The following GRM7 variants were observed in gnomAD, a reference collection of about 807,000 sequenced individuals.
The protein encoded by GRM7 is metabotropic glutamate receptor 7.
In GRM7, 35 loss-of-function variants were observed where a neutral mutation model predicts 84.5. The observed-to-expected ratio is 0.41, with a 90% CI of 0.32 to 0.55. The LOEUF (loss-of-function observed/expected upper bound fraction) is 0.55, where lower values mean the gene tolerates loss of function less well. Among genes scored for constraint, GRM7 ranks in the 20% least tolerant of loss-of-function variants. GRM7 has a pLI of 0.19. For missense variants in GRM7, 1,003 were observed against 1,194.6 expected, an observed-to-expected ratio of 0.84 and a Z score of 2.36; for synonymous variants, 487 against 455.1, an observed-to-expected ratio of 1.07 and a Z score of -0.89.
At chr3:7,205,845 C>G (rs901838530) in intron 2 of GRM7, among the ~76,000 whole-genome samples, 2 of 152,160 alleles carry the variant, frequency 1.3e-5, no homozygotes, top group Non-Finnish European at 2.9e-5. Flanking sequence ...GGAGGGAAGA[C>G]CCCTTTGAAC....
chr3:7,493,553 T>G (rs1355164993), intron 7 of GRM7, among the ~76,000 whole-genome samples: 2 of 151,994 alleles, frequency 1.3e-5, no homozygotes, highest in Admixed American at 6.6e-5. Context: ...ACCTTCAACC[T>G]AACTAGTAAG....
intron 2 of GRM7, among the ~76,000 whole-genome samples, chr3:7,265,594 T>G (rs1024864469): frequency 6.6e-6 from 1 of 152,138 alleles, no homozygotes; most frequent in Non-Finnish European, 1.5e-5. Context: ...TCCACAAAAA[T>G]GCAAGCAAAG....
intron 2 of GRM7, among the ~76,000 whole-genome samples, chr3:7,243,051 T>C (rs73809026): frequency 0.017 from 2,633 of 152,272 alleles, 70 homozygotes; most frequent in African/African-American, 0.06. Context: ...CCAAATGTTT[T>C]CATGTCATGG....
chr3:7,221,267 C>G (rs1696792075), intron 2 of GRM7, among the ~76,000 whole-genome samples: 1 of 152,112 alleles, frequency 6.6e-6, no homozygotes, highest in Non-Finnish European at 1.5e-5. Flanking sequence ...TTTTGCTACT[C>G]TGATAGGTTA....
At chr3:7,567,019 G>A (rs1274720394) in intron 7 of GRM7, among the ~76,000 whole-genome samples, 1 of 152,158 alleles carries the variant, frequency 6.6e-6, no homozygotes, top group Non-Finnish European at 1.5e-5. Context: ...AGGTCATTTA[G>A]GGAGAACTAC....
chr3:7,058,297 A>C (rs1426218858), intron 1 of GRM7, among the ~76,000 whole-genome samples: 3 of 151,942 alleles, frequency 2.0e-5, no homozygotes, highest in African/African-American at 7.2e-5. Context: ...TTTAATTCAC[A>C]TATTTATGCT....
chr3:7,063,216 C>T (rs991963164), intron 1 of GRM7, among the ~76,000 whole-genome samples: 1 of 151,720 alleles, frequency 6.6e-6, no homozygotes, highest in African/African-American at 2.4e-5. Context: ...CTAGAGGATA[C>T]CACATCGCCA....
intron 1 of GRM7, among the ~76,000 whole-genome samples, chr3:7,021,157 T>C (rs1387661973): frequency 2.0e-5 from 3 of 152,176 alleles, no homozygotes; most frequent in Admixed American, 2.0e-4. Context: ...CCCCTTAAAT[T>C]GATCAACCCT....
At chr3:7,194,359 T>C (rs1420306558) in intron 2 of GRM7, among the ~76,000 whole-genome samples, 1 of 152,204 alleles carries the variant, frequency 6.6e-6, no homozygotes, top group East Asian at 1.9e-4. Flanking sequence ...AGGTGAAGCA[T>C]ACAGTGTGTT....
intron 1 of GRM7, among the ~76,000 whole-genome samples, chr3:6,985,138 G>A (rs1275506378): frequency 1.3e-5 from 2 of 152,050 alleles, no homozygotes; most frequent in Non-Finnish European, 2.9e-5. Flanking sequence ...GAGACGTCTT[G>A]ATACAGGCAT....
chr3:7,096,693 A>G (rs1015684168), intron 1 of GRM7, among the ~76,000 whole-genome samples: 1 of 152,150 alleles, frequency 6.6e-6, no homozygotes, highest in African/African-American at 2.4e-5. Context: ...AGAATGGCTC[A>G]AAATTCCAAT....
rs71063284 is a variant in GRM7 at position 7,162,729 on chromosome 3, A to ATTTTTTTTT, written c.736+16101_736+16109dup. On this transcript the variant is annotated intron_variant, in intron 2 of 9. Transcript: ENST00000357716. ...CAATCTCCCATTACTCCCATTTTTC[A>ATTTTTTTTT]TTTTTTTTTTTTTTTTTTTTTTTTT... 2.0e-3 allele frequency among the ~76,000 whole-genome samples: 108 copies of ATTTTTTTTT among 54,710 alleles called. 23 individuals are homozygous for ATTTTTTTTT. The highest frequency in any genetic ancestry group is 3.3e-3 in the East Asian group (5 of 1,520). The allele number at this position is 54,710 out of a possible 152,430, so 35.9% of individuals were successfully genotyped here. A position where few individuals can be genotyped will look rare whatever the true frequency, so the allele number is the denominator to read the frequency against.
intron 9 of GRM7, among the ~76,000 whole-genome samples, chr3:7,684,429 T>C (rs767179576): frequency 1.7e-4 from 26 of 152,216 alleles, no homozygotes; most frequent in African/African-American, 5.5e-4. Flanking sequence ...TTATTCATTG[T>C]TGCTCTAAAC....
chr3:7,170,893 G>A (rs1694962135), intron 2 of GRM7, among the ~76,000 whole-genome samples: 1 of 152,104 alleles, frequency 6.6e-6, no homozygotes. Context: ...TTTCCTCCTG[G>A]TCCTTCAACT....
intron 4 of GRM7, among the ~76,000 whole-genome samples, chr3:7,359,442 C>T (rs997704437): frequency 7.0e-6 from 1 of 141,848 alleles, no homozygotes. Flanking sequence ...TCAAGCGATT[C>T]TCCTGCCTCA....
At chr3:6,874,290 C>T (rs1470976945) in intron 1 of GRM7, among the ~76,000 whole-genome samples, 1 of 152,194 alleles carries the variant, frequency 6.6e-6, no homozygotes, top group East Asian at 1.9e-4. Flanking sequence ...CCTTCCTTTT[C>T]TTAAATTGCA....
At chr3:7,497,696 C>G (rs540342719) in intron 7 of GRM7, among the ~76,000 whole-genome samples, 150 of 152,262 alleles carry the variant, frequency 9.9e-4, no homozygotes, top group Non-Finnish European at 1.5e-3. Flanking sequence ...TAATCTCACT[C>G]TTGGTATCTC....
At chr3:6,968,734 G>A (rs1693624839) in intron 1 of GRM7, among the ~76,000 whole-genome samples, 1 of 151,964 alleles carries the variant, frequency 6.6e-6, no homozygotes, top group Non-Finnish European at 1.5e-5. Flanking sequence ...TTTATTGCAG[G>A]GTCAAGAAGT....
Position 7,423,014 on chromosome 3 carries a change from G to A in GRM7, c.1174+7851G>A, listed in dbSNP as rs551948378. ...ATCTTGACCAGATGCCCAAGTGGAG[G>A]CTGAATATCTTCAGCCTTATGAAAT... On this transcript the variant is annotated intron_variant, in intron 5 of 9. Transcript: ENST00000357716. 8.5e-5 allele frequency among the ~76,000 whole-genome samples: 13 copies of A among 152,166 alleles called. No homozygotes were observed. In the South Asian group the frequency reaches 2.7e-3, roughly 32 times the overall value.
Sources: gnomAD v4.1 joint callset for allele counts (sites outside exome capture counted in the v4.1 genomes callset) on GRCh38, gnomAD v4.1.1 for gene constraint, MANE v1.5 for transcripts, NCBI Gene and HGNC (gene_info 2026-07-23, HGNC 2026-07-21) for gene names.